CGGBP1: variants seen among roughly 807,000 people sequenced by gnomAD.
CGGBP1 encodes the protein CGG triplet repeat-binding protein 1.
Under a neutral mutation model 11.4 loss-of-function variants are expected in CGGBP1, and 4 were observed. That is an observed-to-expected ratio of 0.35 (90% confidence interval 0.17 to 0.80). The LOEUF (loss-of-function observed/expected upper bound fraction) is 0.80. CGGBP1 is among the 30% of genes least tolerant of loss of function. The probability of loss-of-function intolerance (pLI) is 0.52; values close to 1 mark genes in which losing one functional copy is unlikely to be tolerated. For missense variants in CGGBP1, 135 were observed against 202.1 expected (o/e 0.67, Z 2.01); for synonymous variants, 76 against 74.1 (o/e 1.03, Z -0.13).
intron 1 of CGGBP1, chr3:88,142,441 G>A (rs1707178745): frequency 6.6e-6 from 1 of 152,328 alleles, no homozygotes; most frequent in African/African-American, 2.4e-5. Flanking sequence ...AGAGATGAAA[G>A]GAATCTAAGA....
At chr3:88,099,530 G>A (rs926918630) in intron 2 of CGGBP1, among the ~76,000 whole-genome samples, 3 of 145,708 alleles carry the variant, frequency 2.1e-5, no homozygotes, top group Non-Finnish European at 3.0e-5. Flanking sequence ...ACAATCCTAA[G>A]CCAAAGAACA....
At chr3:88,127,511 T>C (rs546952341) in intron 2 of CGGBP1, among the ~76,000 whole-genome samples, 2 of 151,008 alleles carry the variant, frequency 1.3e-5, no homozygotes, top group South Asian at 4.2e-4. Flanking sequence ...TGAAGAAGTA[T>C]GAAGAGTCAA....
At chr3:88,106,924 C>A (rs1341415430) in intron 2 of CGGBP1, among the ~76,000 whole-genome samples, 1 of 152,128 alleles carries the variant, frequency 6.6e-6, no homozygotes, top group Non-Finnish European at 1.5e-5. Flanking sequence ...TTTTCACATA[C>A]TATTGTGGTC....
upstream of CGGBP1, chr3:88,059,198 C>T (rs972692450): frequency 1.2e-5 from 17 of 1,446,252 alleles, no homozygotes; most frequent in Admixed American, 2.7e-4. Context: ...AGCCGAGAGG[C>T]CCCTGTCCGG....
chr3:88,106,346 GT>G (rs1002845793), intron 2 of CGGBP1, among the ~76,000 whole-genome samples: 1 of 151,738 alleles, frequency 6.6e-6, no homozygotes, highest in South Asian at 2.1e-4. Flanking sequence ...TTATCTTTTT[GT>G]TTTTTTGGAA....
At chr3:88,084,866 T>C (rs1708256386) in intron 2 of CGGBP1, among the ~76,000 whole-genome samples, 1 of 152,170 alleles carries the variant, frequency 6.6e-6, no homozygotes, top group Admixed American at 6.5e-5. Flanking sequence ...CTTAGTAGGT[T>C]TTCATCACAG....
At chr3:88,102,397 A>G (rs1704478832) in intron 2 of CGGBP1, among the ~76,000 whole-genome samples, 1 of 151,908 alleles carries the variant, frequency 6.6e-6, no homozygotes, top group South Asian at 2.1e-4. Context: ...CTGTACCTTT[A>G]TTTTCCCATT....
chr3:88,072,476 C>G (rs374324353), intron 2 of CGGBP1, among the ~76,000 whole-genome samples: 20 of 152,310 alleles, frequency 1.3e-4, no homozygotes, highest in African/African-American at 4.6e-4. Flanking sequence ...TATACACTCA[C>G]CAACACTAGT....
intron 2 of CGGBP1, among the ~76,000 whole-genome samples, chr3:88,108,888 ATC>A (rs1322092085): frequency 6.6e-6 from 1 of 152,138 alleles, no homozygotes; most frequent in Non-Finnish European, 1.5e-5. Flanking sequence ...CAAATTTCCT[ATC>A]TCTGAAATTG....
upstream of CGGBP1, chr3:88,059,194 G>A (rs1416966320): frequency 7.0e-7 from 1 of 1,437,950 alleles, no homozygotes; most frequent in Non-Finnish European, 9.1e-7. Context: ...GCCCAGCCGA[G>A]AGGCCCCTGT....
At chr3:88,140,133 T>C (rs781220403) in intron 2 of CGGBP1, 1 of 1,613,890 alleles carries the variant, frequency 6.2e-7, no homozygotes, top group East Asian at 2.2e-5. Flanking sequence ...GCATTTTAAT[T>C]GCAACGAGTC....
intron 2 of CGGBP1, among the ~76,000 whole-genome samples, chr3:88,099,754 G>GA (rs1704292580): frequency 6.6e-6 from 1 of 152,150 alleles, no homozygotes; most frequent in African/African-American, 2.4e-5. Flanking sequence ...ATGGTGCCAG[G>GA]AAAACTGGCT....
chr3:88,126,411 T>G (rs1706100077), intron 2 of CGGBP1: 5 of 1,009,338 alleles, frequency 5.0e-6, no homozygotes, highest in African/African-American at 1.7e-5. Context: ...TGAAAAGTGT[T>G]TGTTTTTCTA....
At chr3:88,096,755 G>A (rs7636845) in intron 2 of CGGBP1, among the ~76,000 whole-genome samples, 143,003 of 152,010 alleles carry the variant, frequency 0.94, 67,785 homozygotes, top group Non-Finnish European at 1. Context: ...TTCAAAATTC[G>A]AAAAGTGTGG....
At chr3:88,140,626 C>T in intron 2 of CGGBP1, 1 of 1,613,680 alleles carries the variant, frequency 6.2e-7, no homozygotes, top group Non-Finnish European at 8.5e-7. Flanking sequence ...ATAGAGCAAA[C>T]ACCTTTAGTT....
upstream of CGGBP1, among the ~76,000 whole-genome samples, chr3:88,059,783 C>T (rs1368087660): frequency 6.6e-6 from 1 of 152,104 alleles, no homozygotes; most frequent in Admixed American, 6.5e-5. Flanking sequence ...AAGCTCTGTC[C>T]TGACATGCCT....
intron 2 of CGGBP1, among the ~76,000 whole-genome samples, chr3:88,137,870 C>T (rs1310518197): frequency 1.3e-5 from 2 of 152,022 alleles, no homozygotes; most frequent in Non-Finnish European, 2.9e-5. Context: ...GTAATCTATA[C>T]TATACCATAT....
chr3:88,090,576 T>A (rs4621352), intron 2 of CGGBP1, among the ~76,000 whole-genome samples: 77 of 152,134 alleles, frequency 5.1e-4, no homozygotes, highest in Admixed American at 1.0e-3. Context: ...AGAAAAAAAT[T>A]TTTATAAGTG....
intron 1 of CGGBP1, among the ~76,000 whole-genome samples, chr3:88,147,308 G>GTGATCA (rs1383378500): frequency 1.3e-5 from 2 of 152,282 alleles, no homozygotes; most frequent in African/African-American, 2.4e-5. Context: ...ATGAGGTAAG[G>GTGATCA]CCTCTCTGAT....
Sources: allele counts gnomAD v4.1 joint callset (sites outside exome capture counted in the v4.1 genomes callset), GRCh38; gene constraint gnomAD v4.1.1; transcripts MANE v1.5; gene names NCBI Gene and HGNC (gene_info 2026-07-23, HGNC 2026-07-21).